Variants in FUT8 observed in about 807,000 individuals in gnomAD.
FUT8 encodes the protein alpha-(1,6)-fucosyltransferase.
Under a neutral mutation model 71.3 loss-of-function variants are expected in FUT8, and 29 were observed. That is an observed-to-expected ratio of 0.41 (90% CI 0.30 to 0.55). The LOEUF is 0.55. Ranked by LOEUF, FUT8 falls within the 20% of genes least tolerant of loss-of-function variation. The pLI, the probability that FUT8 is intolerant of heterozygous loss-of-function variation, is 0.34. For missense variants in FUT8, 544 were observed against 702.1 expected, an observed-to-expected ratio of 0.77 and a Z score of 2.55; for synonymous variants, 254 against 239.3, an observed-to-expected ratio of 1.06 and a Z score of -0.57.
At chr14:65,521,046 T>C (rs1479171219) in intron 2 of FUT8, among the ~76,000 whole-genome samples, 1 of 152,172 alleles carries the variant, frequency 6.6e-6, no homozygotes, top group East Asian at 1.9e-4. Context: ...TATGATAATT[T>C]GAAATCCAGG....
chr14:65,476,412 A>G (rs2066240403), intron 2 of FUT8, among the ~76,000 whole-genome samples: 1 of 152,152 alleles, frequency 6.6e-6, no homozygotes, highest in Non-Finnish European at 1.5e-5. Context: ...ATTGAATTTG[A>G]TGTTCTGAAG....
intron 3 of FUT8, among the ~76,000 whole-genome samples, chr14:65,584,836 T>A (rs1887289798): frequency 6.6e-6 from 1 of 152,238 alleles, no homozygotes; most frequent in Non-Finnish European, 1.5e-5. Flanking sequence ...GTATTTGGCA[T>A]CCAGTTTGTA....
Position 65,668,670 on chromosome 14 carries a change from G to A in FUT8, c.598-573G>A, listed in dbSNP as rs190781186. On this transcript the variant is annotated intron_variant, in intron 6 of 10. Coordinates refer to ENST00000673929, the MANE Select transcript of FUT8 (RefSeq NM_001371533.1). ...AGCTACTATTTGACCCCGCAATCCCGTTTTTGGGTATATAACCAAAGGAAT... is the reference window on the plus strand; with the variant it reads ...AGCTACTATTTGACCCCGCAATCCCATTTTTGGGTATATAACCAAAGGAAT... Among the ~76,000 whole-genome samples the A allele has an allele frequency of 2.4e-4, 37 of 152,200 alleles. No homozygotes were observed. In the South Asian group the frequency reaches 6.0e-3, roughly 25 times the overall value.
At chr14:65,414,956 T>C (rs886187304) in intron 1 of FUT8, among the ~76,000 whole-genome samples, 2 of 152,178 alleles carry the variant, frequency 1.3e-5, no homozygotes, top group African/African-American at 4.8e-5. Flanking sequence ...CCTGAAGTTG[T>C]TTTCCTACAA....
At chr14:65,422,243 GACCA>G (rs1439644972) in intron 1 of FUT8, among the ~76,000 whole-genome samples, 2 of 151,944 alleles carry the variant, frequency 1.3e-5, no homozygotes, top group African/African-American at 4.8e-5. Context: ...TTTGTTCTAT[GACCA>G]AAAGACTGGG....
chr14:65,379,074 T>A, the FUT8 span, among the ~76,000 whole-genome samples: 138 of 152,010 alleles, frequency 9.1e-4, no homozygotes, highest in African/African-American at 3.2e-3. Context: ...CTCGAACTCC[T>A]AACCTCAGGT....
chr14:65,578,510 C>T (rs926197730), intron 3 of FUT8, among the ~76,000 whole-genome samples: 1 of 152,130 alleles, frequency 6.6e-6, no homozygotes, highest in Non-Finnish European at 1.5e-5. Flanking sequence ...TGAATGCAGC[C>T]CAACACAAAT....
At chr14:65,571,710 T>G (rs1040276572) in intron 3 of FUT8, among the ~76,000 whole-genome samples, 1 of 152,158 alleles carries the variant, frequency 6.6e-6, no homozygotes, top group Non-Finnish European at 1.5e-5. Context: ...TTTGTTATAT[T>G]GTCTTAATAT....
At chr14:65,730,161 T>C (rs995856339) in intron 9 of FUT8, among the ~76,000 whole-genome samples, 6 of 152,244 alleles carry the variant, frequency 3.9e-5, no homozygotes, top group Admixed American at 3.9e-4. Flanking sequence ...AAGACTTTTC[T>C]GCTTCAAGAG....
At position 65,669,516 on chromosome 14, in the gene FUT8, T is replaced by G. The variant is rs561025906; in HGVS notation, c.835+36T>G. ...TGTGCAGCATATGAGATCTCTGGGC[T>G]GTTTCACTCAATTACCAGATTATTA... On this transcript the variant is annotated intron_variant, in intron 7 of 10. Coordinates refer to ENST00000673929, the MANE Select transcript of FUT8 (RefSeq NM_001371533.1). This position sits in a 1 kb window ranked among gnomAD's most constrained non-coding sequence, Gnocchi z 4.5. 7.0e-7 allele frequency: 1 copy of G among 1,423,442 alleles called. No homozygotes were observed. The highest frequency in any genetic ancestry group is 1.4e-5 in the African/African-American group (1 of 71,384). 88.2% of individuals were successfully genotyped at this position (1,423,442 alleles called of 1,614,324 possible).
rs138488359 is a variant in FUT8, at chr14:65,574,237, G to T, written c.203+12471G>T. On this transcript the variant is annotated intron_variant, in intron 3 of 10. Transcript: ENST00000673929. This position sits in a 1 kb window ranked among gnomAD's most constrained non-coding sequence, Gnocchi z 5.2. ...GCTTCATCAAAACCAGCAAGGAAGA[G>T]AATCTGCTAGCAAGATAAAGTTTCA... Among the ~76,000 whole-genome samples, 9 of 152,130 alleles carry T rather than the reference G, an allele frequency of 5.9e-5. No individual in the cohort carries two copies. Among genetic ancestry groups the T allele is most frequent in the African/African-American group, 2.2e-4 (9 of 41,406 alleles).
chr14:65,677,072 A>G (rs1432388662), intron 7 of FUT8, among the ~76,000 whole-genome samples: 2 of 150,594 alleles, frequency 1.3e-5, no homozygotes, highest in African/African-American at 2.5e-5. Context: ...AGAAAGTTCT[A>G]TAGTGGTTTA....
chr14:65,638,028 C>T lies in FUT8; in HGVS notation c.597+8422C>T, dbSNP rs967352259. Among the ~76,000 whole-genome samples the T allele has an allele frequency of 6.6e-6, 1 of 152,198 alleles. No individual in the cohort carries two copies. Among genetic ancestry groups the T allele is most frequent in the Non-Finnish European group, 1.5e-5 (1 of 68,034 alleles). On this transcript the variant is annotated intron_variant, in intron 6 of 10. Coordinates refer to ENST00000673929, the MANE Select transcript of FUT8 (RefSeq NM_001371533.1). This position sits in a 1 kb window ranked among gnomAD's most constrained non-coding sequence, Gnocchi z 4.5. Reference sequence around the variant, plus strand: ...GACATAATGAGCTTGGTCAAGTTAACAACATTTAGGTTGATTTATTGCACC... The same window carrying T: ...GACATAATGAGCTTGGTCAAGTTAATAACATTTAGGTTGATTTATTGCACC...
chr14:65,616,648 A>T (rs1889299517), intron 5 of FUT8, among the ~76,000 whole-genome samples: 1 of 152,246 alleles, frequency 6.6e-6, no homozygotes, highest in Admixed American at 6.5e-5. Context: ...CCAACAATAC[A>T]TTAAAATATC....
intron 3 of FUT8, among the ~76,000 whole-genome samples, chr14:65,600,528 A>T (rs1297510743): frequency 6.6e-6 from 1 of 152,194 alleles, no homozygotes; most frequent in Non-Finnish European, 1.5e-5. Flanking sequence ...TTACATTTAA[A>T]TATCAGTAGG....
At chr14:65,526,677 G>T (rs1312068844) in intron 2 of FUT8, among the ~76,000 whole-genome samples, 1 of 152,088 alleles carries the variant, frequency 6.6e-6, no homozygotes, top group Non-Finnish European at 1.5e-5. Flanking sequence ...TTACAATTTG[G>T]CATGTTTTTG....
At chr14:65,497,956 G>A (rs985875075) in intron 2 of FUT8, among the ~76,000 whole-genome samples, 3 of 152,062 alleles carry the variant, frequency 2.0e-5, no homozygotes, top group Admixed American at 6.6e-5. Flanking sequence ...TAGAAGAAAA[G>A]CATAACTACA....
intron 6 of FUT8, among the ~76,000 whole-genome samples, chr14:65,634,981 TTTG>T (rs1332461012): frequency 6.6e-6 from 1 of 152,208 alleles, no homozygotes; most frequent in African/African-American, 2.4e-5. Flanking sequence ...TGCGTTTCCA[TTTG>T]TTTGTGTCAT....
At chr14:65,526,859 A>C (rs1463335510) in intron 2 of FUT8, among the ~76,000 whole-genome samples, 1 of 152,166 alleles carries the variant, frequency 6.6e-6, no homozygotes, top group African/African-American at 2.4e-5. Flanking sequence ...TGGGTTGAAA[A>C]TTCTTTTCTT....
Sources: allele counts gnomAD v4.1 joint callset (sites outside exome capture counted in the v4.1 genomes callset), GRCh38; gene constraint gnomAD v4.1.1; non-coding constraint Gnocchi (gnomAD v3.1); transcripts MANE v1.5; gene names NCBI Gene and HGNC (gene_info 2026-07-23, HGNC 2026-07-21).